The following NTNG1 variants were observed in gnomAD, a reference collection of about 807,000 sequenced individuals.
The protein encoded by NTNG1 is netrin-G1.
Under a neutral mutation model 54.0 loss-of-function variants are expected in NTNG1, and 16 were observed. The observed-to-expected ratio is 0.30, with a 90% CI of 0.20 to 0.45. The LOEUF is 0.45. Ranked by LOEUF, NTNG1 falls within the 20% of genes least tolerant of loss-of-function variation. NTNG1 has a pLI of 1.00. For synonymous variants in NTNG1, 255 were observed against 263.1 expected (o/e 0.97, Z 0.30); for missense variants, 530 against 678.7 (o/e 0.78, Z 2.43).
chr1:107,170,457 A>G (rs1190354802), intron 2 of NTNG1, among the ~76,000 whole-genome samples: 1 of 152,164 alleles, frequency 6.6e-6, no homozygotes, highest in African/African-American at 2.4e-5. Context: ...TTCAAAATTG[A>G]TTAGCAGTCT....
At chr1:107,162,760 T>A (rs1655503273) in intron 2 of NTNG1, among the ~76,000 whole-genome samples, 1 of 152,204 alleles carries the variant, frequency 6.6e-6, no homozygotes, top group Admixed American at 6.5e-5. Context: ...AAATTTTTAA[T>A]ACTTAACCAT....
chr1:107,213,413 A>G (rs912252792), intron 2 of NTNG1, among the ~76,000 whole-genome samples: 1 of 152,146 alleles, frequency 6.6e-6, no homozygotes, highest in African/African-American at 2.4e-5. Context: ...ATCCAGCATT[A>G]CAGATGGGAG....
chr1:107,178,833 C>G (rs544104942), intron 2 of NTNG1, among the ~76,000 whole-genome samples: 2 of 152,276 alleles, frequency 1.3e-5, no homozygotes, highest in South Asian at 4.1e-4. Flanking sequence ...ATCTTAGTGG[C>G]TTGCAACATG....
At chr1:107,228,866 C>T (rs1045983604) in intron 2 of NTNG1, among the ~76,000 whole-genome samples, 2 of 152,150 alleles carry the variant, frequency 1.3e-5, no homozygotes, top group Non-Finnish European at 1.5e-5. Flanking sequence ...AATGGCAAGA[C>T]AAGCCATGTG....
intron 2 of NTNG1, among the ~76,000 whole-genome samples, chr1:107,238,189 G>A (rs1230948103): frequency 6.6e-6 from 1 of 152,204 alleles, no homozygotes. Flanking sequence ...AATCAAAGGA[G>A]AGCATTTTGG....
rs773206145 is a variant in NTNG1 at position 107,362,948 on chromosome 1, C to T, written c.888-32206C>T. On this transcript the variant is annotated intron_variant, in intron 3 of 7. Coordinates refer to ENST00000370068, the MANE Select transcript of NTNG1 (RefSeq NM_001113226.3). ...ATGTTTGAGTTTGGTCTTAGTGCCT[C>T]GCCCTTTCCCTCCCTTCTGTTTCAT... Among the ~76,000 whole-genome samples the T allele has an allele frequency of 5.9e-5, 9 of 152,146 alleles. No homozygotes were observed. The South Asian group carries it at 1.2e-3, about 21-fold the overall frequency.
intron 2 of NTNG1, among the ~76,000 whole-genome samples, chr1:107,169,673 C>A (rs963542194): frequency 6.6e-6 from 1 of 152,114 alleles, no homozygotes; most frequent in South Asian, 2.1e-4. Flanking sequence ...ATATTTAAAG[C>A]AAGTAGTTTT....
chr1:107,323,695 T>C (rs1412378068), intron 2 of NTNG1, among the ~76,000 whole-genome samples: 2 of 152,060 alleles, frequency 1.3e-5, no homozygotes, highest in Non-Finnish European at 2.9e-5. Context: ...ATTTTAATAA[T>C]TGGTGGTGAA....
At chr1:107,340,455 C>T (rs776928161) in intron 3 of NTNG1, among the ~76,000 whole-genome samples, 7 of 152,014 alleles carry the variant, frequency 4.6e-5, no homozygotes, top group Non-Finnish European at 8.8e-5. Context: ...CCTGCAGAAG[C>T]AAAAGAATAT....
At chr1:107,297,224 T>TATATATATATATATATATACCATC (rs1666020625) in intron 2 of NTNG1, among the ~76,000 whole-genome samples, 1 of 35,678 alleles carries the variant, frequency 2.8e-5, no homozygotes, top group Non-Finnish European at 6.5e-5. Context: ...ATCATATATA[T>TATATATATATATATATATACCATC]ATATATATAT....
intron 3 of NTNG1, among the ~76,000 whole-genome samples, chr1:107,383,587 G>A (rs1671774942): frequency 6.6e-6 from 1 of 152,088 alleles, no homozygotes; most frequent in Admixed American, 6.6e-5. Context: ...ATAAGCTCTA[G>A]GACTATTTTA....
intron 3 of NTNG1, among the ~76,000 whole-genome samples, chr1:107,391,009 T>C (rs1672323674): frequency 1.3e-5 from 2 of 152,274 alleles, no homozygotes; most frequent in South Asian, 4.1e-4. Context: ...ATTTTTTGTA[T>C]ACCAGAAAGG....
intron 2 of NTNG1, among the ~76,000 whole-genome samples, chr1:107,294,519 C>T (rs76908327): frequency 6.6e-6 from 1 of 152,156 alleles, no homozygotes; most frequent in Non-Finnish European, 1.5e-5. Flanking sequence ...TGCCCCTCCA[C>T]TACTAAACCT....
Position 107,364,362 on chromosome 1 carries a change from T to G in NTNG1, c.888-30792T>G, listed in dbSNP as rs141819782. ...GTTTATTAAGCTATTCACTTATTAT[T>G]AAACTTTTAGCTTTTCCCCATTTAT... On this transcript the variant is annotated intron_variant, in intron 3 of 7. Coordinates refer to ENST00000370068, the MANE Select transcript of NTNG1 (RefSeq NM_001113226.3). 4.0e-3 allele frequency among the ~76,000 whole-genome samples: 602 copies of G among 152,336 alleles called. 6 individuals are homozygous for G. The highest frequency in any genetic ancestry group is 0.013 in the African/African-American group (545 of 41,570).
intron 2 of NTNG1, among the ~76,000 whole-genome samples, chr1:107,196,756 C>A (rs1259731618): frequency 6.6e-6 from 1 of 151,798 alleles, no homozygotes; most frequent in Non-Finnish European, 1.5e-5. Context: ...AGAGTTCTAC[C>A]TGCCAATATC....
At chr1:107,204,227 A>G (rs976292025) in intron 2 of NTNG1, among the ~76,000 whole-genome samples, 1 of 151,426 alleles carries the variant, frequency 6.6e-6, no homozygotes, top group Non-Finnish European at 1.5e-5. Flanking sequence ...ACTGTTTTGG[A>G]GTTTTGGTTT....
chr1:107,405,285 T>C (rs1461408818), intron 4 of NTNG1, among the ~76,000 whole-genome samples: 1 of 152,160 alleles, frequency 6.6e-6, no homozygotes, highest in Non-Finnish European at 1.5e-5. Flanking sequence ...TCAAAGGTCT[T>C]TATTCAAATG....
intron 2 of NTNG1, among the ~76,000 whole-genome samples, chr1:107,281,730 A>G (rs1056632090): frequency 1.3e-5 from 2 of 152,158 alleles, no homozygotes; most frequent in African/African-American, 2.4e-5. Flanking sequence ...AATATGGTCT[A>G]TGGGCTACTG....
At chr1:107,165,390 T>C (rs185912084) in intron 2 of NTNG1, among the ~76,000 whole-genome samples, 24 of 152,320 alleles carry the variant, frequency 1.6e-4, no homozygotes, top group Middle Eastern at 3.4e-3. Context: ...TTTGCTGTTA[T>C]AAGACGAAAA....
Sources: gnomAD v4.1 joint callset for allele counts (sites outside exome capture counted in the v4.1 genomes callset) on GRCh38, gnomAD v4.1.1 for gene constraint, MANE v1.5 for transcripts, NCBI Gene and HGNC (gene_info 2026-07-23, HGNC 2026-07-21) for gene names.